NELL1: variants seen among roughly 807,000 people sequenced by gnomAD.
NELL1 encodes the protein neural EGFL like 1, also known as protein kinase C-binding protein NELL1.
A neutral mutation model predicts 107.4 loss-of-function variants in NELL1; 76 were observed. The observed-to-expected ratio is 0.71, with a 90% CI of 0.59 to 0.86. NELL1 has a LOEUF of 0.86. Ranked by LOEUF, NELL1 falls within the 40% of genes least tolerant of loss-of-function variation. The pLI is 0.00. For synonymous variants in NELL1, 353 were observed against 341.2 expected (o/e 1.03, Z -0.38); for missense variants, 1,024 against 1,005.5 (o/e 1.02, Z -0.25).
intron 13 of NELL1, among the ~76,000 whole-genome samples, chr11:21,228,960 C>T (rs186313669): frequency 7.4e-4 from 113 of 151,904 alleles, no homozygotes; most frequent in Middle Eastern, 3.4e-3. Flanking sequence ...CAAAAACACC[C>T]TCTGACATAT....
At chr11:21,336,674 T>TATATATATACACAC (rs55720144) in intron 14 of NELL1, among the ~76,000 whole-genome samples, 5 of 130,524 alleles carry the variant, frequency 3.8e-5, no homozygotes, top group African/African-American at 1.1e-4. Context: ...TATATATATA[T>TATATATATACACAC]ACACACACAC....
At chr11:20,719,419 AACACAC>A (rs10609543) in intron 2 of NELL1, among the ~76,000 whole-genome samples, 18,948 of 150,944 alleles carry the variant, frequency 0.13, 2,831 homozygotes, top group African/African-American at 0.36. Context: ...TACTATTAAA[AACACAC>A]ACACACACAC....
At position 21,051,993 on chromosome 11, in the gene NELL1, G is replaced by A. The variant is rs11600053; in HGVS notation, c.1301-61596G>A. 6.0e-3 allele frequency among the ~76,000 whole-genome samples: 912 copies of A among 152,204 alleles called. 8 individuals carry two copies. The highest frequency in any genetic ancestry group is 0.014 in the Middle Eastern group (4 of 294). ...GAGAAAAATACAGCAGAGTCAGGGA[G>A]ACGGGAAATGCTGGTAGTGGGAAGC... On this transcript the variant is annotated intron_variant, in intron 12 of 19. Coordinates refer to ENST00000357134, the MANE Select transcript of NELL1 (RefSeq NM_006157.5).
intron 13 of NELL1, among the ~76,000 whole-genome samples, chr11:21,200,673 A>G (rs769466168): frequency 3.2e-4 from 48 of 152,102 alleles, no homozygotes; most frequent in Admixed American, 1.3e-4. Flanking sequence ...TTTTGTTGCC[A>G]TTGCTTTTGG....
intron 12 of NELL1, among the ~76,000 whole-genome samples, chr11:21,061,993 C>G (rs1371946346): frequency 6.6e-6 from 1 of 152,154 alleles, no homozygotes; most frequent in Non-Finnish European, 1.5e-5. Flanking sequence ...TTGCCTCAGA[C>G]CATACATTCT....
rs144762537 is a variant in NELL1 at position 20,949,857 on chromosome 11, G to A, written c.1171+2422G>A. 5.3e-5 allele frequency among the ~76,000 whole-genome samples: 8 copies of A among 152,272 alleles called. No individual in the cohort carries two copies. The East Asian group carries it at 7.7e-4, about 15-fold the overall frequency. On this transcript the variant is annotated intron_variant, in intron 11 of 19. Coordinates refer to ENST00000357134, the MANE Select transcript of NELL1 (RefSeq NM_006157.5). ...ATAGATTTGATCTTAGGCAGGGCCC[G>A]TCTATGAAATCAAGGGCTTTCTTTT...
At chr11:21,291,974 C>G (rs563234438) in intron 14 of NELL1, among the ~76,000 whole-genome samples, 1 of 152,026 alleles carries the variant, frequency 6.6e-6, no homozygotes, top group African/African-American at 2.4e-5. Flanking sequence ...AATATCATAC[C>G]GAATGGGTAA....
intron 12 of NELL1, among the ~76,000 whole-genome samples, chr11:20,983,063 C>T (rs1851780685): frequency 6.6e-6 from 1 of 152,062 alleles, no homozygotes; most frequent in African/African-American, 2.4e-5. Flanking sequence ...ACTTGGGTTC[C>T]AATCTTGGTT....
chr11:21,126,935 G>A (rs1324370025), intron 13 of NELL1, among the ~76,000 whole-genome samples: 3 of 152,220 alleles, frequency 2.0e-5, no homozygotes, highest in African/African-American at 7.2e-5. Flanking sequence ...TCATTAGTTT[G>A]TGAGTTGCTG....
intron 13 of NELL1, among the ~76,000 whole-genome samples, chr11:21,183,063 T>TTTACA (rs1856861875): frequency 6.6e-6 from 1 of 151,884 alleles, no homozygotes; most frequent in South Asian, 2.1e-4. Context: ...AGATGTGGTG[T>TTTACA]TTACAGTTCC....
intron 16 of NELL1, among the ~76,000 whole-genome samples, chr11:21,536,898 T>G (rs1419066580): frequency 3.3e-5 from 5 of 152,134 alleles, no homozygotes; most frequent in African/African-American, 1.2e-4. Context: ...GGTGCTCATT[T>G]CTCTCTAACA....
chr11:21,397,926 G>T (rs557430812), intron 15 of NELL1, among the ~76,000 whole-genome samples: 5 of 151,500 alleles, frequency 3.3e-5, no homozygotes, highest in Non-Finnish European at 7.4e-5. Flanking sequence ...TACCGAATCT[G>T]CTTGAACCTT....
intron 2 of NELL1, among the ~76,000 whole-genome samples, chr11:20,722,248 T>C (rs1855407836): frequency 6.6e-6 from 1 of 152,164 alleles, no homozygotes; most frequent in African/African-American, 2.4e-5. Context: ...CTTGAACTCC[T>C]GACCTCAAGT....
intron 15 of NELL1, among the ~76,000 whole-genome samples, chr11:21,401,972 TC>T: frequency 6.6e-6 from 1 of 151,880 alleles, no homozygotes; most frequent in East Asian, 2.0e-4. Context: ...TCCACCCCTC[TC>T]CTTTGATTTA....
chr11:20,820,960 C>G (rs1280947413), intron 3 of NELL1, among the ~76,000 whole-genome samples: 1 of 152,166 alleles, frequency 6.6e-6, no homozygotes, highest in African/African-American at 2.4e-5. Flanking sequence ...AGTGCAGAAA[C>G]TTTATTTGGC....
At chr11:21,442,983 C>T (rs980097228) in intron 15 of NELL1, among the ~76,000 whole-genome samples, 36 of 77,140 alleles carry the variant, frequency 4.7e-4, no homozygotes, top group Non-Finnish European at 8.6e-4. Flanking sequence ...ATTCTACATT[C>T]CCTATTTTAT....
chr11:21,134,195 G>A (rs1855689733), intron 13 of NELL1, among the ~76,000 whole-genome samples: 1 of 152,224 alleles, frequency 6.6e-6, no homozygotes, highest in Admixed American at 6.5e-5. Context: ...GAAAGTCTAT[G>A]ATTCTAAGTG....
At chr11:21,082,794 A>G (rs1486498191) in intron 12 of NELL1, among the ~76,000 whole-genome samples, 1 of 152,286 alleles carries the variant, frequency 6.6e-6, no homozygotes, top group Non-Finnish European at 1.5e-5. Flanking sequence ...TTGTTCTCAT[A>G]TCTTCTTCAA....
chr11:20,779,625 G>T (rs1856816174), intron 2 of NELL1, among the ~76,000 whole-genome samples: 1 of 152,200 alleles, frequency 6.6e-6, no homozygotes, highest in Non-Finnish European at 1.5e-5. Flanking sequence ...CAAAGTAGGT[G>T]ACATATCACT....
Sources: gnomAD v4.1 joint callset for allele counts (sites outside exome capture counted in the v4.1 genomes callset) on GRCh38, gnomAD v4.1.1 for gene constraint, MANE v1.5 for transcripts, NCBI Gene and HGNC (gene_info 2026-07-23, HGNC 2026-07-21) for gene names.